PAM: variants seen among roughly 807,000 people sequenced by gnomAD.
The protein encoded by PAM is peptidyl-glycine alpha-amidating monooxygenase.
Under a neutral mutation model 122.1 loss-of-function variants are expected in PAM, and 72 were observed. That is an observed-to-expected ratio of 0.59 (90% CI 0.49 to 0.72). The LOEUF (loss-of-function observed/expected upper bound fraction) is 0.72, where lower values mean the gene tolerates loss of function less well. PAM is among the 30% of genes least tolerant of loss of function. The pLI is 0.00. For missense variants in PAM, 1,106 were observed against 1,183.7 expected (o/e 0.93, Z 0.96); for synonymous variants, 389 against 404.4 (o/e 0.96, Z 0.46).
chr5:102,782,729 G>C (rs201429285), intron 1 of PAM, among the ~76,000 whole-genome samples: 3,907 of 137,440 alleles, frequency 0.028, 78 homozygotes, highest in East Asian at 0.12. Flanking sequence ...CTCTCTCTGT[G>C]TGTGTGTGTG....
chr5:102,859,419 T>TA (rs1260349303), intron 1 of PAM, among the ~76,000 whole-genome samples: 10 of 151,762 alleles, frequency 6.6e-5, no homozygotes, highest in South Asian at 6.3e-4. Flanking sequence ...GGTTTTTTTT[T>TA]AAAAAAAGCT....
chr5:102,960,075 T>C lies in PAM; in HGVS notation c.1090+16T>C. On this transcript the variant is annotated intron_variant, in intron 13 of 25. Coordinates refer to ENST00000438793, the MANE Select transcript of PAM (RefSeq NM_001177306.2). ...CATCATAAAGGTAATAATTGATGTTTAATATAAAGTAATATATGATTTTGT... is the reference window on the plus strand; with the variant it reads ...CATCATAAAGGTAATAATTGATGTTCAATATAAAGTAATATATGATTTTGT... 7.9e-7 allele frequency: 1 copy of C among 1,259,840 alleles called. No homozygotes were observed. Among genetic ancestry groups the C allele is most frequent in the South Asian group, 1.4e-5 (1 of 73,946 alleles). The allele number at this position is 1,259,840 out of a possible 1,614,324, so 78.0% of individuals were successfully genotyped here.
intron 7 of PAM, among the ~76,000 whole-genome samples, chr5:102,943,977 T>C (rs1756141466): frequency 6.6e-6 from 1 of 152,184 alleles, no homozygotes. Context: ...GACTACTCTT[T>C]GGAAGTCTTA....
At chr5:102,854,581 A>T (rs936220468) in intron 1 of PAM, among the ~76,000 whole-genome samples, 3 of 152,078 alleles carry the variant, frequency 2.0e-5, no homozygotes, top group African/African-American at 4.8e-5. Context: ...GGCCTGGAGG[A>T]TCATGGACCT....
chr5:102,894,192 G>A (rs948842407), intron 3 of PAM, among the ~76,000 whole-genome samples: 4 of 151,626 alleles, frequency 2.6e-5, no homozygotes, highest in African/African-American at 9.7e-5. Flanking sequence ...CTTGAACTAC[G>A]AGAAGAGTAC....
In PAM at chr5:102,821,222, CT is replaced by C. The variant is rs1771788580; in HGVS notation, c.-373-44599del. ...TAACCTTCTTTAAGAGAAGTTTTAG[CT>C]TATGTAAAAACCATTTATCCTGAGG... On this transcript the variant is annotated intron_variant, in intron 1 of 25. Coordinates refer to ENST00000438793, the MANE Select transcript of PAM (RefSeq NM_001177306.2). Among the ~76,000 whole-genome samples the C allele has an allele frequency of 3.9e-5, 6 of 152,160 alleles. 1 individual carries two copies. In the South Asian group the frequency reaches 1.2e-3, roughly 32 times the overall value.
At chr5:102,968,256 A>G (rs1051510468) in intron 14 of PAM, among the ~76,000 whole-genome samples, 2 of 152,174 alleles carry the variant, frequency 1.3e-5, no homozygotes, top group African/African-American at 4.8e-5. Flanking sequence ...ATGTATAGGA[A>G]AAAGTGTAAT....
At chr5:102,957,160 T>G (rs1246764301) in intron 12 of PAM, among the ~76,000 whole-genome samples, 1 of 152,178 alleles carries the variant, frequency 6.6e-6, no homozygotes, top group East Asian at 1.9e-4. Flanking sequence ...CACATCTGTA[T>G]GCATATCTAT....
rs949889303 is a variant in PAM at position 102,866,178 on chromosome 5, G to A, written c.-18G>A. On this transcript the variant is annotated 5_prime_UTR_variant, in exon 2 of 26. Coordinates refer to ENST00000438793, the MANE Select transcript of PAM (RefSeq NM_001177306.2). ...GCGCTGCCCGGTCCTCTCCCGGCGG[G>A]GTCGTATCGGCGTGGACATGGCTGG... 62 of 1,583,776 alleles carry A rather than the reference G, an allele frequency of 3.9e-5. No homozygotes were observed. The highest frequency in any genetic ancestry group is 4.8e-5 in the Non-Finnish European group (55 of 1,154,480).
intron 15 of PAM, among the ~76,000 whole-genome samples, chr5:102,976,696 G>A (rs575052035): frequency 6.6e-6 from 1 of 152,210 alleles, no homozygotes; most frequent in South Asian, 2.1e-4. Context: ...ATGTCAGGCT[G>A]GTCTGTTGCT....
chr5:102,825,458 G>A (rs1190775473), intron 1 of PAM, among the ~76,000 whole-genome samples: 1 of 152,198 alleles, frequency 6.6e-6, no homozygotes, highest in East Asian at 1.9e-4. Flanking sequence ...GTGTGCGTAT[G>A]TATAAGATCA....
At chr5:102,934,484 C>G (rs915770287) in intron 7 of PAM, among the ~76,000 whole-genome samples, 1 of 152,156 alleles carries the variant, frequency 6.6e-6, no homozygotes, top group African/African-American at 2.4e-5. Flanking sequence ...AGGAAGGATA[C>G]ACTTTTACCT....
chr5:103,006,734 A>G (rs1388164258), intron 18 of PAM, 67 bp from the exon 19 acceptor site: 3 of 1,066,524 alleles, frequency 2.8e-6, no homozygotes, highest in African/African-American at 3.2e-5. Flanking sequence ...AAGTGGTCTT[A>G]GTCATGTGGG....
intron 4 of PAM, among the ~76,000 whole-genome samples, chr5:102,903,759 A>C (rs958837410): frequency 6.6e-6 from 1 of 151,712 alleles, no homozygotes. Flanking sequence ...GTCGTACTTC[A>C]GATTTTGGTG....
intron 3 of PAM, among the ~76,000 whole-genome samples, chr5:102,882,055 A>G (rs1791339484): frequency 9.7e-4 from 2 of 2,060 alleles, no homozygotes; most frequent in Non-Finnish European, 2.0e-3. Flanking sequence ...ATCGTGGAAT[A>G]TATATATATA....
rs377764367 is a variant in PAM at position 102,914,061 on chromosome 5, A to G, written c.356+40A>G. The G allele has an allele frequency of 4.8e-4, 533 of 1,121,794 alleles. 7 individuals carry two copies. In the South Asian group the frequency reaches 6.4e-3, roughly 13 times the overall value. The allele number at this position is 1,121,794 out of a possible 1,614,324, so 69.5% of individuals were successfully genotyped here. ...TTTACAGTATAGAAGGGTGTAGAAA[A>G]TGTGTTTTACAAGTGCAAAGTGTAT... On this transcript the variant is annotated intron_variant, in intron 5 of 25. Transcript: ENST00000438793.
chr5:103,017,463 T>C, intron 22 of PAM, 30 bp downstream of exon 22: 1 of 1,344,470 alleles, frequency 7.4e-7, no homozygotes. Context: ...ATTGTTCACA[T>C]TTTCCCTCAG....
Position 102,950,733 on chromosome 5 carries a change from G to A in PAM, c.818G>A (p.Gly273Glu), listed in dbSNP as rs1045453819. ...TTTTGGTAGGCTTTCTACCCTGTGGGGCATCCAGTTGATGTAAGTTTTGGT... is the reference window on the plus strand; with the variant it reads ...TTTTGGTAGGCTTTCTACCCTGTGGAGCATCCAGTTGATGTAAGTTTTGGT... ...PQLPQAFYPV[G>E]HPVDVSFGDL... Residue 273 changes from glycine to glutamate, a missense_variant, in exon 12 of 26, where the codon GGG becomes GAG. Gly to Glu is a moderately conservative substitution (Grantham distance 98). Around this residue, in one of 3 missense-constraint regions of PAM, gnomAD observed 670 missense variants for 690.3 expected, o/e 0.97. Transcript: ENST00000438793. The A allele has an allele frequency of 6.8e-6, 11 of 1,607,238 alleles. No individual in the cohort carries two copies. The highest frequency in any genetic ancestry group is 5.5e-5 in the South Asian group (5 of 90,870).
intron 1 of PAM, among the ~76,000 whole-genome samples, chr5:102,828,083 A>C (rs987700034): frequency 4.6e-5 from 7 of 152,136 alleles, no homozygotes; most frequent in Non-Finnish European, 1.0e-4. Context: ...TGATACCTAT[A>C]ATCTCAGCAC....
Sources: allele counts gnomAD v4.1 joint callset (sites outside exome capture counted in the v4.1 genomes callset), GRCh38; gene constraint gnomAD v4.1.1; regional missense constraint gnomAD v4.1.1; transcripts MANE v1.5; gene names NCBI Gene and HGNC (gene_info 2026-07-23, HGNC 2026-07-21).